STK32B: variants seen among roughly 807,000 people sequenced by gnomAD.
STK32B encodes serine/threonine-protein kinase 32B.
Under a neutral mutation model 52.6 loss-of-function variants are expected in STK32B, and 43 were observed. That is an observed-to-expected ratio of 0.82 (90% CI 0.64 to 1.05). The LOEUF is 1.05. STK32B is among the 50% of genes least tolerant of loss of function. The pLI is 0.00. For synonymous variants in STK32B, 238 were observed against 204.3 expected (o/e 1.17, Z -1.41); for missense variants, 621 against 534.6 (o/e 1.16, Z -1.59).
intron 3 of STK32B, among the ~76,000 whole-genome samples, chr4:5,265,217 G>A (rs1422062164): frequency 6.6e-6 from 1 of 152,150 alleles, no homozygotes; most frequent in Admixed American, 6.5e-5. Flanking sequence ...CTGGACAATG[G>A]TGCAAAACAC....
intron 3 of STK32B, among the ~76,000 whole-genome samples, chr4:5,258,716 C>G (rs1726500823): frequency 6.6e-6 from 1 of 152,200 alleles, no homozygotes; most frequent in African/African-American, 2.4e-5. Context: ...TCACCTCTCT[C>G]CTGGGTGATT....
At chr4:5,142,255 C>A (rs539150150) in intron 2 of STK32B, among the ~76,000 whole-genome samples, 9 of 152,182 alleles carry the variant, frequency 5.9e-5, no homozygotes, top group Non-Finnish European at 8.8e-5. Flanking sequence ...ATTCAATGGT[C>A]AACTCTATTC....
intron 7 of STK32B, among the ~76,000 whole-genome samples, chr4:5,454,473 A>T (rs908347113): frequency 6.6e-6 from 1 of 152,062 alleles, no homozygotes; most frequent in Non-Finnish European, 1.5e-5. Context: ...CCCCTTTTAT[A>T]CGGACTCAGG....
chr4:5,374,712 C>G (rs1387542174), intron 4 of STK32B, among the ~76,000 whole-genome samples: 1 of 150,320 alleles, frequency 6.7e-6, no homozygotes, highest in Non-Finnish European at 1.5e-5. Flanking sequence ...TAATCATCTC[C>G]TAAAGGTTCC....
chr4:5,287,439 CT>C (rs144060458), intron 3 of STK32B, among the ~76,000 whole-genome samples: 1,897 of 152,112 alleles, frequency 0.012, 32 homozygotes, highest in African/African-American at 0.043. Context: ...CTCTTCAAGC[CT>C]TTTGCCCATT....
At chr4:5,424,536 C>T (rs893702457) in intron 6 of STK32B, among the ~76,000 whole-genome samples, 1 of 152,196 alleles carries the variant, frequency 6.6e-6, no homozygotes, top group Non-Finnish European at 1.5e-5. Flanking sequence ...GAAAACCTGC[C>T]TGCGGAGAGG....
chr4:5,274,690 C>A (rs1727690283), intron 3 of STK32B, among the ~76,000 whole-genome samples: 1 of 152,082 alleles, frequency 6.6e-6, no homozygotes, highest in Non-Finnish European at 1.5e-5. Context: ...TCTTTGGGTC[C>A]CCTCCCTTTT....
intron 3 of STK32B, among the ~76,000 whole-genome samples, chr4:5,259,873 G>A (rs1005826231): frequency 2.0e-5 from 3 of 152,050 alleles, no homozygotes; most frequent in South Asian, 2.1e-4. Context: ...AATCCTGCTC[G>A]CAGAGGTCAG....
intron 2 of STK32B, among the ~76,000 whole-genome samples, chr4:5,151,406 G>A (rs949354854): frequency 6.6e-6 from 1 of 152,154 alleles, no homozygotes; most frequent in Non-Finnish European, 1.5e-5. Flanking sequence ...TCTGTCTTTG[G>A]CAGTTTTGAT....
chr4:5,280,578 T>G (rs1728127460), intron 3 of STK32B, among the ~76,000 whole-genome samples: 1 of 152,126 alleles, frequency 6.6e-6, no homozygotes. Context: ...ATTTTCTGTA[T>G]TAGTCTATTC....
intron 8 of STK32B, among the ~76,000 whole-genome samples, chr4:5,457,675 C>T (rs1394127601): frequency 6.6e-6 from 1 of 151,190 alleles, no homozygotes; most frequent in Non-Finnish European, 1.5e-5. Context: ...CGAGACCAGC[C>T]TGGCCAGCAT....
At chr4:5,258,615 C>T (rs1314578239) in intron 3 of STK32B, among the ~76,000 whole-genome samples, 1 of 152,178 alleles carries the variant, frequency 6.6e-6, no homozygotes, top group Non-Finnish European at 1.5e-5. Flanking sequence ...TACATCTAAT[C>T]CATGAAGAAA....
intron 11 of STK32B, among the ~76,000 whole-genome samples, chr4:5,496,684 G>T (rs567994579): frequency 6.6e-6 from 1 of 151,914 alleles, no homozygotes; most frequent in Non-Finnish European, 1.5e-5. Flanking sequence ...GTTCCTTTTC[G>T]GCCATCTTGG....
chr4:5,278,970 T>G (rs1728018133), intron 3 of STK32B, among the ~76,000 whole-genome samples: 2 of 152,080 alleles, frequency 1.3e-5, no homozygotes, highest in South Asian at 4.1e-4. Context: ...CACCTCCCAC[T>G]AGGTCCCTAC....
intron 6 of STK32B, among the ~76,000 whole-genome samples, chr4:5,445,713 A>C (rs536744695): frequency 6.6e-6 from 1 of 152,304 alleles, no homozygotes; most frequent in East Asian, 1.9e-4. Flanking sequence ...ATTCAGTAGC[A>C]TTCAGTACAT....
At chr4:5,220,134 T>C (rs1649888104) in intron 3 of STK32B, among the ~76,000 whole-genome samples, 1 of 151,908 alleles carries the variant, frequency 6.6e-6, no homozygotes. Flanking sequence ...AAGTTTAGAG[T>C]CCCAACCAGA....
intron 3 of STK32B, among the ~76,000 whole-genome samples, chr4:5,318,264 A>T (rs1731250546): frequency 6.6e-6 from 1 of 152,156 alleles, no homozygotes; most frequent in Non-Finnish European, 1.5e-5. Flanking sequence ...AAAAAATTTT[A>T]GGAAGTCAGA....
At chr4:5,193,020 G>A (rs77081965) in intron 3 of STK32B, among the ~76,000 whole-genome samples, 3,360 of 152,246 alleles carry the variant, frequency 0.022, 48 homozygotes, top group Non-Finnish European at 0.034. Context: ...GGTCCCCAGT[G>A]CCTCCCAGTG....
chr4:5,241,947 G>A lies in STK32B; in HGVS notation c.260+73497G>A, dbSNP rs1245569162. Among the ~76,000 whole-genome samples the A allele has an allele frequency of 3.3e-5, 5 of 152,248 alleles. No individual in the cohort carries two copies. In the East Asian group the frequency reaches 9.7e-4, roughly 29 times the overall value. On this transcript the variant is annotated intron_variant, in intron 3 of 11. Transcript: ENST00000282908. ...CTGCATAGTATTCCATGGTGTATAT[G>A]TGCCACATTTTCTTAATCCACTCTA...
Sources: allele counts gnomAD v4.1 joint callset (sites outside exome capture counted in the v4.1 genomes callset), GRCh38; gene constraint gnomAD v4.1.1; transcripts MANE v1.5; gene names NCBI Gene and HGNC (gene_info 2026-07-23, HGNC 2026-07-21).